The following SEMA6B variants were observed in gnomAD, a reference collection of about 807,000 sequenced individuals.
SEMA6B encodes the protein semaphorin 6B.
In SEMA6B, 47 loss-of-function variants were observed where a neutral mutation model predicts 78.6. The observed-to-expected ratio is 0.60, with a 90% confidence interval of 0.47 to 0.76. The LOEUF is 0.76. Among genes scored for constraint, SEMA6B ranks in the 30% least tolerant of loss-of-function variants. The probability of loss-of-function intolerance (pLI) is 0.00; values close to 1 mark genes in which losing one functional copy is unlikely to be tolerated. For missense variants in SEMA6B, 1,213 were observed against 1,269.9 expected (o/e 0.96, Z 0.68); for synonymous variants, 632 against 592.2 (o/e 1.07, Z -0.98).
In SEMA6B at chr19:4,546,385, G is replaced by A. The variant is rs377369790; in HGVS notation, c.1679+7C>T. 22 of 1,583,696 alleles carry A rather than the reference G, an allele frequency of 1.4e-5. No homozygotes were observed. The highest frequency in any genetic ancestry group is 1.8e-5 in the Admixed American group (1 of 55,908). ...CACCCTCCACCCACCTCCCTCTCCC[G>A]CAGTACCTGGTGCCCGGGCTGAGGA... On this transcript the variant is annotated splice_region_variant and intron_variant, in intron 15 of 16. Transcript: ENST00000586582.
chr19:4,544,054 G>C lies in SEMA6B; in HGVS notation c.2214C>G (p.Gly738=), dbSNP rs575239140. The change falls in exon 17 of 17, where the codon GGC becomes GGG. Residue 738 remains glycine (G), a synonymous_variant. Coordinates refer to ENST00000586582, the MANE Select transcript of SEMA6B (RefSeq NM_032108.4). This position sits in a 1 kb window ranked among gnomAD's most constrained non-coding sequence, Gnocchi z 5.1. The part of the protein sequence containing the change: ...HALGPRAWDH[G]HPLLPASASS... Reference sequence around the variant, plus strand: ...AAGCGGAGGCCGGGAGCAGGGGGTGGCCGTGGTCCCAGGCGCGGGGGCCCA... The same window carrying C: ...AAGCGGAGGCCGGGAGCAGGGGGTGCCCGTGGTCCCAGGCGCGGGGGCCCA... 37 of 1,228,020 alleles carry C rather than the reference G, an allele frequency of 3.0e-5. No individual in the cohort carries two copies. The Middle Eastern group carries it at 1.3e-3, about 42-fold the overall frequency. 76.1% of individuals were successfully genotyped at this position (1,228,020 alleles called of 1,614,324 possible).
Position 4,558,627 on chromosome 19 carries a change from C to A in SEMA6B, c.-32-138G>T. 2.3e-6 allele frequency: 1 copy of A among 427,808 alleles called. No homozygotes were observed. Among genetic ancestry groups the A allele is most frequent in the East Asian group, 3.6e-5 (1 of 27,844 alleles). The allele number at this position is 427,808 out of a possible 1,614,324, so 26.5% of individuals were successfully genotyped here. The stretch of plus-strand genomic sequence containing the variant: ...TAATAATTAATAAAAACAATAATGG[C>A]AATAATAATAATAATACACAGCACT... On this transcript the variant is annotated intron_variant, in intron 1 of 16. Coordinates refer to ENST00000586582, the MANE Select transcript of SEMA6B (RefSeq NM_032108.4). This position sits in a 1 kb window ranked among gnomAD's most constrained non-coding sequence, Gnocchi z 5.1.
rs774057898 is a variant in SEMA6B, at chr19:4,550,915, A to G, written c.1005T>C (p.Ala335=). Residue 335 remains alanine, a synonymous_variant, in exon 11 of 17, where the codon GCT becomes GCC. Transcript: ENST00000586582. This position sits in a 1 kb window ranked among gnomAD's most constrained non-coding sequence, Gnocchi z 6.6. ...STPSNSIPGS[A]VCAFDLTQVA... ...CCTGTGTCAGGTCAAAGGCGCAGAC[A>G]GCCGAGCCAGGGATGCTGAGGGGTT... 4 of 1,613,610 alleles carry G rather than the reference A, an allele frequency of 2.5e-6. No homozygotes were observed. In the South Asian group the frequency reaches 3.3e-5, roughly 13 times the overall value.
At chr19:4,548,896 C>T (rs1977244075) in intron 12 of SEMA6B, among the ~76,000 whole-genome samples, 1 of 152,114 alleles carries the variant, frequency 6.6e-6, no homozygotes, top group Admixed American at 6.6e-5. Context: ...AGTGTAGTGG[C>T]TCGATCTCGC....
intron 14 of SEMA6B, among the ~76,000 whole-genome samples, chr19:4,547,464 C>G (rs1977199685): frequency 6.6e-6 from 1 of 152,200 alleles, no homozygotes; most frequent in Non-Finnish European, 1.5e-5. Context: ...GTCATTGTTG[C>G]AATAACGGCG....
At chr19:4,546,168 C>A (rs762654297) in intron 16 of SEMA6B, 48 bp downstream of exon 16, 2 of 1,542,302 alleles carry the variant, frequency 1.3e-6, no homozygotes, top group African/African-American at 1.4e-5. Flanking sequence ...TCCCCTCCCC[C>A]ATGGTAGTGG....
rs1977542460 is a variant in SEMA6B, at chr19:4,558,709, C to T, written c.-32-220G>A. ...GTGTGCGTGAAAGCCCAGGAAACGA[C>T]TTCAAACAAAACTGCATTCGGTAAT... On this transcript the variant is annotated intron_variant, in intron 1 of 16. Coordinates refer to ENST00000586582, the MANE Select transcript of SEMA6B (RefSeq NM_032108.4). This position sits in a 1 kb window ranked among gnomAD's most constrained non-coding sequence, Gnocchi z 5.1. Among the ~76,000 whole-genome samples the T allele has an allele frequency of 6.6e-6, 1 of 152,140 alleles. No homozygotes were observed.
Position 4,558,347 on chromosome 19 carries a change from G to T in SEMA6B, c.111C>A (p.Ala37=). ...FPEEPPPLSV[A]PRDYLNHYPV... ...CACCCCCAGACTCACAGTCCCTGGG[G>T]GCCACGCTAAGCGGCGGCGGCTCCT... is the stretch of plus-strand genomic sequence containing the variant. Residue 37 remains alanine (A), a synonymous_variant, in exon 2 of 17, where the codon GCC becomes GCA. Transcript: ENST00000586582. The surrounding 1 kb of genome is among the most constrained non-coding windows in gnomAD (Gnocchi z 5.1). 7.6e-7 allele frequency: 1 copy of T among 1,310,798 alleles called. No individual in the cohort carries two copies. The highest frequency in any genetic ancestry group is 9.8e-7 in the Non-Finnish European group (1 of 1,020,676). 81.2% of individuals were successfully genotyped at this position (1,310,798 alleles called of 1,614,324 possible).
Position 4,555,990 on chromosome 19 carries a change from T to G in SEMA6B, c.469A>C (p.Ser157Arg). Reference protein sequence around the residue: ...NAFNPVCANYSIDTLQPVGDN... With the variant: ...NAFNPVCANYRIDTLQPVGDN... The stretch of plus-strand genomic sequence containing the variant: ...GCGCAGGGAGTCTGAAGACTCACGC[T>G]GTAGTTGGCGCACACCGGGTTGAAG... Residue 157 changes from serine (S) to arginine (R), a missense_variant and splice_region_variant, in exon 6 of 17, where the codon AGC (serine) becomes CGC (arginine). Physicochemically the swap from Ser to Arg is moderately radical, Grantham distance 110. Coordinates refer to ENST00000586582, the MANE Select transcript of SEMA6B (RefSeq NM_032108.4). The surrounding 1 kb of genome is among the most constrained non-coding windows in gnomAD (Gnocchi z 6.1). 1 of 1,613,258 alleles carries G rather than the reference T, an allele frequency of 6.2e-7. No homozygotes were observed.
chr19:4,544,087 G>GGGGTGC lies in SEMA6B; in HGVS notation c.2175_2180dup (p.Pro727_His728dup). On this transcript the variant is annotated inframe_insertion, in exon 17 of 17. Transcript: ENST00000586582. The surrounding 1 kb of genome is among the most constrained non-coding windows in gnomAD (Gnocchi z 5.1). Reference sequence around the variant, plus strand: ...CCCAGGCGCGGGGGCCCAGGGCGTGGGGGTGCGGGTGCGGAGTGGGCAGGC... The same window carrying GGGGTGC: ...CCCAGGCGCGGGGGCCCAGGGCGTGGGGGTGCGGGTGCGGGTGCGGAGTGGGCAGGC... 8.0e-7 allele frequency: 1 copy of GGGGTGC among 1,254,254 alleles called. No individual in the cohort carries two copies. Among genetic ancestry groups the GGGGTGC allele is most frequent in the Non-Finnish European group, 1.0e-6 (1 of 1,000,132 alleles). 77.7% of individuals were successfully genotyped at this position (1,254,254 alleles called of 1,614,324 possible). A position where few individuals can be genotyped will look rare whatever the true frequency, so the allele number is the denominator to read the frequency against.
rs1369547011 is a variant in SEMA6B, at chr19:4,552,341, C to A, written c.989+81G>T. The A allele has an allele frequency of 7.3e-7, 1 of 1,363,402 alleles. No homozygotes were observed. The highest frequency in any genetic ancestry group is 1.4e-5 in the African/African-American group (1 of 69,138). 84.5% of individuals were successfully genotyped at this position (1,363,402 alleles called of 1,614,324 possible). A position where few individuals can be genotyped will look rare whatever the true frequency, so the allele number is the denominator to read the frequency against. On this transcript the variant is annotated intron_variant, in intron 10 of 16. Transcript: ENST00000586582. The surrounding 1 kb of genome is among the most constrained non-coding windows in gnomAD (Gnocchi z 7.4). ...GTGGTGCCCAACCTAGCACCCAGGG[C>A]ATACCTGAGGAGTGAATACAGGCCC...
intron 9 of SEMA6B, among the ~76,000 whole-genome samples, chr19:4,553,425 T>G (rs2145355284): frequency 1.4e-5 from 1 of 69,108 alleles, no homozygotes; most frequent in Non-Finnish European, 2.9e-5. Context: ...GTGAGTTGGA[T>G]GGGTGGATGG....
chr19:4,559,030 C>CA (rs989251393), intron 1 of SEMA6B, among the ~76,000 whole-genome samples: 2 of 151,732 alleles, frequency 1.3e-5, no homozygotes, highest in Non-Finnish European at 2.9e-5. Flanking sequence ...CCTGTCTCTA[C>CA]AAAAAAATAC....
chr19:4,551,569 C>T (rs1377780147), intron 10 of SEMA6B, among the ~76,000 whole-genome samples: 1 of 151,764 alleles, frequency 6.6e-6, no homozygotes, highest in East Asian at 2.0e-4. Context: ...CGGTGGCTGA[C>T]GCCTGTAATC....
At chr19:4,548,616 C>T (rs995030085) in intron 12 of SEMA6B, among the ~76,000 whole-genome samples, 171 bp from the exon 13 acceptor site, 2 of 152,250 alleles carry the variant, frequency 1.3e-5, no homozygotes, top group South Asian at 2.1e-4. Flanking sequence ...TACACAGGCA[C>T]GTGGGCACAC....
intron 14 of SEMA6B, among the ~76,000 whole-genome samples, chr19:4,547,811 T>A (rs1977208435): frequency 7.0e-6 from 1 of 143,744 alleles, no homozygotes; most frequent in South Asian, 2.4e-4. Flanking sequence ...CCTCCCTCAC[T>A]CCCCCTTGCT....
At position 4,558,964 on chromosome 19, in the gene SEMA6B, T is replaced by A. The variant is rs1977548035; in HGVS notation, c.-32-475A>T. 6.6e-6 allele frequency among the ~76,000 whole-genome samples: 1 copy of A among 151,402 alleles called. No individual in the cohort carries two copies. The highest frequency in any genetic ancestry group is 2.4e-5 in the African/African-American group (1 of 41,230). ...ATCCCAACATTTTGGGAGGCCGAGA[T>A]GGGAGGATCATCTGAGGTCAGGAGT... On this transcript the variant is annotated intron_variant, in intron 1 of 16. Coordinates refer to ENST00000586582, the MANE Select transcript of SEMA6B (RefSeq NM_032108.4). This position sits in a 1 kb window ranked among gnomAD's most constrained non-coding sequence, Gnocchi z 5.1.
intron 14 of SEMA6B, 54 bp downstream of exon 14, chr19:4,547,973 T>C: frequency 6.7e-7 from 1 of 1,494,614 alleles, no homozygotes; most frequent in Non-Finnish European, 8.9e-7. Context: ...TGTCCCTCCC[T>C]GTGCCCATCC....
In SEMA6B at chr19:4,556,039, C is replaced by A. The variant is rs73527729; in HGVS notation, c.420G>T (p.Thr140=). The change falls in exon 6 of 17, where the codon ACG becomes ACT. Residue 140 remains threonine (T), a synonymous_variant. Transcript: ENST00000586582. Reference sequence around the variant, plus strand: ...AGGCGTTGGAACCGCACACAAAGAGCGTGGACTCGTCCCGAAGGAGCAGCA... The same window carrying A: ...AGGCGTTGGAACCGCACACAAAGAGAGTGGACTCGTCCCGAAGGAGCAGCA... ...VKVLLLRDES[T]LFVCGSNAFN... 465 of 1,614,144 alleles carry A rather than the reference C, an allele frequency of 2.9e-4. 2 individuals are homozygous for A. In the African/African-American group the frequency reaches 4.5e-3, roughly 16 times the overall value.
Sources: allele counts gnomAD v4.1 joint callset (sites outside exome capture counted in the v4.1 genomes callset), GRCh38; gene constraint gnomAD v4.1.1; non-coding constraint Gnocchi (gnomAD v3.1); transcripts MANE v1.5; gene names NCBI Gene and HGNC (gene_info 2026-07-23, HGNC 2026-07-21).